Variants in SMG7 observed in about 807,000 individuals in gnomAD.
The protein encoded by SMG7 is nonsense-mediated mRNA decay factor SMG7.
Under a neutral mutation model 148.2 loss-of-function variants are expected in SMG7, and 34 were observed. The observed-to-expected ratio is 0.23, with a 90% CI of 0.17 to 0.31. The LOEUF (loss-of-function observed/expected upper bound fraction) is 0.31, where lower values mean the gene tolerates loss of function less well. Among genes scored for constraint, SMG7 ranks in the 10% least tolerant of loss-of-function variants. The pLI, the probability that SMG7 is intolerant of heterozygous loss-of-function variation, is 1.00. For missense variants in SMG7, 1,114 were observed against 1,408.4 expected (o/e 0.79, Z 3.35); for synonymous variants, 492 against 515.1 (o/e 0.96, Z 0.61).
At chr1:183,479,493 T>C (rs1010564138) in intron 1 of SMG7, among the ~76,000 whole-genome samples, 5 of 152,174 alleles carry the variant, frequency 3.3e-5, no homozygotes, top group Non-Finnish European at 7.4e-5. Context: ...AAGATATATA[T>C]GCACTGCATG....
At chr1:183,486,518 C>T (rs1397929156) in intron 1 of SMG7, among the ~76,000 whole-genome samples, 2 of 152,326 alleles carry the variant, frequency 1.3e-5, no homozygotes, top group African/African-American at 2.4e-5. Context: ...TCAAGCGATT[C>T]TCCTGCCTCA....
At chr1:183,511,282 A>G (rs776951855) in intron 1 of SMG7, among the ~76,000 whole-genome samples, 1 of 152,200 alleles carries the variant, frequency 6.6e-6, no homozygotes, top group Non-Finnish European at 1.5e-5. Context: ...AGTTGTGATG[A>G]GCATTCTTAA....
Position 183,551,072 on chromosome 1 carries a change from T to C in SMG7, c.3332T>C (p.Leu1111Pro). Residue 1111 changes from leucine (L) to proline (P), a missense_variant, in exon 22 of 23, where the codon CTC becomes CCC. This residue lies in a region of SMG7 where 788 missense variants were observed against 894.5 expected (regional missense o/e 0.88). Coordinates refer to ENST00000688051, the MANE Select transcript of SMG7 (RefSeq NM_001375584.1). ...PAMGGFGIDYLSATSSSESSW... is the reference protein window; with the variant it reads ...PAMGGFGIDYPSATSSSESSW... Reference sequence around the variant, plus strand: ...ATGGGTGGGTTTGGCATTGATTATCTCTCAGCAACGTCATCCTCTGAGAGC... The same window carrying C: ...ATGGGTGGGTTTGGCATTGATTATCCCTCAGCAACGTCATCCTCTGAGAGC... The C allele has an allele frequency of 1.2e-6, 2 of 1,614,046 alleles. No individual in the cohort carries two copies. Among genetic ancestry groups the C allele is most frequent in the Non-Finnish European group, 1.7e-6 (2 of 1,179,970 alleles).
chr1:183,495,398 T>A (rs1205536287), intron 1 of SMG7, among the ~76,000 whole-genome samples: 1 of 152,162 alleles, frequency 6.6e-6, no homozygotes, highest in Non-Finnish European at 1.5e-5. Context: ...AATAAAAAAT[T>A]TCTAAAATTA....
At chr1:183,498,726 T>C (rs1052239739) in intron 1 of SMG7, among the ~76,000 whole-genome samples, 3 of 152,164 alleles carry the variant, frequency 2.0e-5, no homozygotes, top group African/African-American at 7.2e-5. Context: ...GAGTGGTACA[T>C]TTGTTATAAC....
Position 183,551,197 on chromosome 1 carries a change from AG to A in SMG7, c.3450+8del, listed in dbSNP as rs1383792093. ...CCTCATGGAAAGCCTAAAGGTGAGT[AG>A]ATTTCAGGAACAAGAACCACAAGAT... On this transcript the variant is annotated splice_region_variant and intron_variant, in intron 22 of 22. Coordinates refer to ENST00000688051, the MANE Select transcript of SMG7 (RefSeq NM_001375584.1). 6.4e-7 allele frequency: 1 copy of A among 1,556,900 alleles called. No individual in the cohort carries two copies. The highest frequency in any genetic ancestry group is 8.6e-7 in the Non-Finnish European group (1 of 1,158,308).
Position 183,542,196 on chromosome 1 carries a change from A to G in SMG7, c.1536A>G (p.Ile512Met). 1 of 1,614,188 alleles carries G rather than the reference A, an allele frequency of 6.2e-7. No homozygotes were observed. The highest frequency in any genetic ancestry group is 2.2e-5 in the East Asian group (1 of 44,878). ...TCATTCTGCAAGAAACATCTGTGAT[A>G]GAGTCGCTGGCTGCAGATGGGAGCC... is the stretch of plus-strand genomic sequence containing the variant. Reference protein sequence around the residue: ...ENLILQETSVIESLAADGSPG... With the variant: ...ENLILQETSVMESLAADGSPG... Residue 512 changes from isoleucine to methionine, a missense_variant, in exon 14 of 23, where the codon ATA becomes ATG. This residue lies in a region of SMG7 where 788 missense variants were observed against 894.5 expected (regional missense o/e 0.88). Transcript: ENST00000688051.
intron 16 of SMG7, 32 bp from the exon 17 acceptor site, chr1:183,545,934 C>G: frequency 4.5e-6 from 7 of 1,545,090 alleles, no homozygotes; most frequent in Non-Finnish European, 6.1e-6. Context: ...TGCATTTTAT[C>G]CTCACCTTTA....
intron 1 of SMG7, among the ~76,000 whole-genome samples, chr1:183,485,094 G>A (rs936926777): frequency 6.6e-6 from 1 of 152,076 alleles, no homozygotes; most frequent in African/African-American, 2.4e-5. Context: ...TCTTTGAATA[G>A]TAGATGTATA....
chr1:183,524,333 C>G (rs1264842822), intron 4 of SMG7, among the ~76,000 whole-genome samples: 1 of 152,254 alleles, frequency 6.6e-6, no homozygotes, highest in East Asian at 1.9e-4. Context: ...GCTGTCCAGG[C>G]TGGTCTTGAA....
chr1:183,549,887 G>A lies in SMG7; in HGVS notation c.3097G>A (p.Gly1033Arg), dbSNP rs1332460587. Residue 1033 changes from glycine to arginine, a missense_variant, in exon 20 of 23, where the codon GGG becomes AGG. By Grantham distance (125) the Gly-to-Arg change is moderately radical (BLOSUM62 -2). This residue lies in a region of SMG7 where 788 missense variants were observed against 894.5 expected (regional missense o/e 0.88). Transcript: ENST00000688051. The part of the protein sequence containing the change: ...QETSLYSLFE[G>R]TPWSPSLPAS... The stretch of plus-strand genomic sequence containing the variant: ...AACATCTCTGTATTCCCTTTTTGAA[G>A]GGACTCCGTGGTCTCCATCACTTCC... 1 of 1,613,866 alleles carries A rather than the reference G, an allele frequency of 6.2e-7. No individual in the cohort carries two copies.
intron 12 of SMG7, among the ~76,000 whole-genome samples, chr1:183,540,231 C>T (rs1281646658): frequency 6.6e-6 from 1 of 152,168 alleles, no homozygotes; most frequent in Non-Finnish European, 1.5e-5. Flanking sequence ...AGGTATCACT[C>T]TATGAAACCT....
chr1:183,523,665 GCT>G (rs1172159596), intron 4 of SMG7, among the ~76,000 whole-genome samples: 5 of 152,092 alleles, frequency 3.3e-5, no homozygotes. Flanking sequence ...ACCAACTAGA[GCT>G]CTCTTTCTCA....
chr1:183,502,352 A>G (rs1012992924), intron 1 of SMG7: 3 of 1,534,796 alleles, frequency 2.0e-6, no homozygotes, highest in African/African-American at 2.7e-5. Context: ...AGGACCGAAA[A>G]CTTGAAATCA....
In SMG7 at chr1:183,503,778, G is replaced by T. The variant is rs146531175; in HGVS notation, c.30-9059G>T. Among the ~76,000 whole-genome samples the T allele has an allele frequency of 1.4e-4, 21 of 152,208 alleles. No individual in the cohort carries two copies. In the East Asian group the frequency reaches 4.0e-3, roughly 29 times the overall value. ...TTAGGTTCTTTTATATAACTTACTT[G>T]TCTTATTTATTCCTCATAGCAACTT... On this transcript the variant is annotated intron_variant, in intron 1 of 22. Transcript: ENST00000688051.
intron 1 of SMG7, among the ~76,000 whole-genome samples, chr1:183,511,005 T>A (rs1486712355): frequency 6.7e-6 from 1 of 150,214 alleles, no homozygotes; most frequent in African/African-American, 2.5e-5. Flanking sequence ...AAAAAAAAAA[T>A]GGAAATCTCA....
intron 4 of SMG7, among the ~76,000 whole-genome samples, chr1:183,518,392 G>T (rs1414703450): frequency 6.6e-6 from 1 of 152,166 alleles, no homozygotes; most frequent in Admixed American, 6.5e-5. Flanking sequence ...GTGAAACAGT[G>T]GAAGTAGTCA....
rs781565290 is a variant in SMG7 at position 183,551,920 on chromosome 1, C to T, written c.3553C>T (p.Pro1185Ser). The change falls in exon 23 of 23, where the codon CCT becomes TCT. Residue 1185 changes from proline (P) to serine (S), a missense_variant. Pro to Ser is a moderately conservative substitution (Grantham distance 74). Around this residue, in one of 4 missense-constraint regions of SMG7, gnomAD observed 788 missense variants for 894.5 expected, o/e 0.88. Transcript: ENST00000688051. The stretch of plus-strand genomic sequence containing the variant: ...GCAACGGGGACAAGGCACCATGAAC[C>T]CTCCACACTGAGGCCAAAGTGGCAA... ...KQQRGQGTMN[P>S]PH 1.2e-6 allele frequency: 2 copies of T among 1,613,498 alleles called. No individual in the cohort carries two copies. The highest frequency in any genetic ancestry group is 2.2e-5 in the South Asian group (2 of 91,008).
rs753610398 is a variant in SMG7, at chr1:183,527,409, C to G, written c.485-547C>G. ...TTCTTAATATTGTAAGTCAGCGGTTCCATGAGGAGGTCACATCAGAGTAAG... is the reference window on the plus strand; with the variant it reads ...TTCTTAATATTGTAAGTCAGCGGTTGCATGAGGAGGTCACATCAGAGTAAG... On this transcript the variant is annotated intron_variant, in intron 5 of 22. Transcript: ENST00000688051. This position sits in a 1 kb window ranked among gnomAD's most constrained non-coding sequence, Gnocchi z 4.0. Among the ~76,000 whole-genome samples, 1 of 152,104 alleles carries G rather than the reference C, an allele frequency of 6.6e-6. No homozygotes were observed. The highest frequency in any genetic ancestry group is 1.5e-5 in the Non-Finnish European group (1 of 68,030).
Sources: gnomAD v4.1 joint callset for allele counts (sites outside exome capture counted in the v4.1 genomes callset) on GRCh38, gnomAD v4.1.1 for gene constraint, gnomAD v4.1.1 regional missense constraint, Gnocchi (gnomAD v3.1) non-coding constraint, MANE v1.5 for transcripts, NCBI Gene and HGNC (gene_info 2026-07-23, HGNC 2026-07-21) for gene names.